L1TD1: variants seen among roughly 807,000 people sequenced by gnomAD.
The protein encoded by L1TD1 is LINE-1 type transposase domain-containing protein 1.
L1TD1 carries 26 observed loss-of-function variants against 25.7 expected under a neutral mutation model. The observed-to-expected ratio is 1.01, with a 90% CI of 0.74 to 1.40. L1TD1 has a LOEUF of 1.40. Ranked by LOEUF, L1TD1 falls within the 40% of genes most tolerant of loss-of-function variation. The pLI, the probability that L1TD1 is intolerant of heterozygous loss-of-function variation, is 0.00. For missense variants in L1TD1, 1,130 were observed against 975.0 expected (o/e 1.16, Z -2.12); for synonymous variants, 421 against 335.6 (o/e 1.25, Z -2.78).
In L1TD1 at chr1:62,195,668, C is replaced by T. The variant is rs1015042349; in HGVS notation, c.-205+747C>T. The stretch of plus-strand genomic sequence containing the variant: ...TCAGGAGGCTGAGGCAGGAGAATCG[C>T]TTGAACCCGAGAGGCAGAGGTTGCA... On this transcript the variant is annotated intron_variant, in intron 1 of 3. Coordinates refer to ENST00000498273, the MANE Select transcript of L1TD1 (RefSeq NM_019079.5). Among the ~76,000 whole-genome samples, 15 of 152,334 alleles carry T rather than the reference C, an allele frequency of 9.8e-5. 1 individual carries two copies. Among genetic ancestry groups the T allele is most frequent in the African/African-American group, 3.4e-4 (14 of 41,578 alleles).
intron 3 of L1TD1, 110 bp downstream of exon 3, chr1:62,207,746 C>A: frequency 7.6e-7 from 1 of 1,317,294 alleles, no homozygotes; most frequent in Non-Finnish European, 1.0e-6. Context: ...GAGTTTCGCT[C>A]TTGTCGGCCA....
chr1:62,207,713 T>C (rs1670780998), intron 3 of L1TD1, 77 bp downstream of exon 3: 5 of 1,422,244 alleles, frequency 3.5e-6, no homozygotes, highest in African/African-American at 1.4e-5. Flanking sequence ...GAAGGATAAA[T>C]CAATTTTTTT....
intron 2 of L1TD1, among the ~76,000 whole-genome samples, chr1:62,206,183 A>G (rs921345509): frequency 6.6e-6 from 1 of 152,208 alleles, no homozygotes. Flanking sequence ...TATGATACAT[A>G]TGTTGGTTTC....
At position 62,211,585 on chromosome 1, in the gene L1TD1, A is replaced by T; in HGVS notation, c.*213A>T. On this transcript the variant is annotated 3_prime_UTR_variant, in exon 4 of 4. Transcript: ENST00000498273. ...TGGTCTCAATGTAGTGAGTTATTTC[A>T]GTTGATCACAGTCAGTTACAGATAG... 3 of 635,460 alleles carry T rather than the reference A, an allele frequency of 4.7e-6. No homozygotes were observed. Among genetic ancestry groups the T allele is most frequent in the Non-Finnish European group, 7.0e-6 (3 of 425,936 alleles). The allele number at this position is 635,460 out of a possible 1,614,324, so 39.4% of individuals were successfully genotyped here. A position where few individuals can be genotyped will look rare whatever the true frequency, so the allele number is the denominator to read the frequency against.
chr1:62,211,319 T>A lies in L1TD1; in HGVS notation c.2545T>A (p.Tyr849Asn), dbSNP rs147257684. 9.9e-6 allele frequency: 16 copies of A among 1,613,106 alleles called. No homozygotes were observed. Among genetic ancestry groups the A allele is most frequent in the African/African-American group, 1.3e-5 (1 of 74,986 alleles). The change falls in exon 4 of 4, where the codon TAT becomes AAT. Residue 849 changes from tyrosine (Y) to asparagine (N), a missense_variant. By Grantham distance (143) the Tyr-to-Asn change is moderately radical (BLOSUM62 -2). Coordinates refer to ENST00000498273, the MANE Select transcript of L1TD1 (RefSeq NM_019079.5). ...VFLSIEEFRD[Y>N]VLHMPTLREL... is the part of the protein sequence containing the mutation. ...TCTTAGTATTGAAGAATTTAGAGATTATGTTTTGCATATGCCCACCTTGAG... is the reference window on the plus strand; with the variant it reads ...TCTTAGTATTGAAGAATTTAGAGATAATGTTTTGCATATGCCCACCTTGAG...
At chr1:62,202,157 A>G (rs897273410) in intron 2 of L1TD1, among the ~76,000 whole-genome samples, 3 of 152,164 alleles carry the variant, frequency 2.0e-5, no homozygotes, top group Non-Finnish European at 4.4e-5. Flanking sequence ...AAAATTAGCC[A>G]GGCGTGGTGG....
intron 2 of L1TD1, among the ~76,000 whole-genome samples, chr1:62,205,419 A>C (rs12129320): frequency 0.27 from 11,687 of 43,286 alleles, 1,649 homozygotes; most frequent in East Asian, 0.56. Flanking sequence ...CTCTCTCTCT[A>C]TATATATATA....
At position 62,211,387 on chromosome 1, in the gene L1TD1, T is replaced by G. The variant is rs1670868133; in HGVS notation, c.*15T>G. On this transcript the variant is annotated 3_prime_UTR_variant, in exon 4 of 4. Coordinates refer to ENST00000498273, the MANE Select transcript of L1TD1 (RefSeq NM_019079.5). ...ATATACCTTAGCACGCCAGGGTGACTACAAACAATATGCTTTCCTCCCCCA... is the reference window on the plus strand; with the variant it reads ...ATATACCTTAGCACGCCAGGGTGACGACAAACAATATGCTTTCCTCCCCCA... 4.5e-6 allele frequency: 7 copies of G among 1,552,100 alleles called. No homozygotes were observed. In the African/African-American group the frequency reaches 5.5e-5, roughly 12 times the overall value.
intron 3 of L1TD1, among the ~76,000 whole-genome samples, chr1:62,209,523 G>T (rs1670815429): frequency 6.6e-6 from 1 of 152,004 alleles, no homozygotes. Flanking sequence ...GGATCTAGAA[G>T]GAAGAAAGTA....
At chr1:62,202,669 A>ATTT (rs35815437) in intron 2 of L1TD1, among the ~76,000 whole-genome samples, 5,188 of 71,866 alleles carry the variant, frequency 0.072, 415 homozygotes, top group East Asian at 0.14. Flanking sequence ...CCAGGGTTTA[A>ATTT]TTTTTTTTTT....
chr1:62,195,724 A>G (rs927188125), intron 1 of L1TD1, among the ~76,000 whole-genome samples: 4 of 146,926 alleles, frequency 2.7e-5, no homozygotes, highest in East Asian at 2.1e-4. Context: ...TGCGCTCCAG[A>G]CTGGGCAACA....
chr1:62,197,419 A>G (rs1251341434), intron 2 of L1TD1, among the ~76,000 whole-genome samples: 2 of 85,982 alleles, frequency 2.3e-5, no homozygotes, highest in African/African-American at 8.6e-5. Flanking sequence ...ATATATATAT[A>G]TATATATATA....
chr1:62,205,439 A>ATTT lies in L1TD1; in HGVS notation c.-110-1079_-110-1078insTTT, dbSNP rs1297750882. Among the ~76,000 whole-genome samples the ATTT allele has an allele frequency of 4.1e-4, 18 of 44,196 alleles. 1 individual carries two copies. The highest frequency in any genetic ancestry group is 8.6e-4 in the African/African-American group (10 of 11,652). 29.0% of individuals were successfully genotyped at this position (44,196 alleles called of 152,430 possible). Reference sequence around the variant, plus strand: ...TCTCTATATATATATATATATATATATATATTTTTTTTTAGACAGTCTTGC... The same window carrying ATTT: ...TCTCTATATATATATATATATATATATTTTATATTTTTTTTTAGACAGTCTTGC... On this transcript the variant is annotated intron_variant, in intron 2 of 3. Coordinates refer to ENST00000498273, the MANE Select transcript of L1TD1 (RefSeq NM_019079.5).
rs949145083 is a variant in L1TD1 at position 62,199,846 on chromosome 1, C to A, written c.-111+3318C>A. Among the ~76,000 whole-genome samples, 9 of 152,236 alleles carry A rather than the reference C, an allele frequency of 5.9e-5. No individual in the cohort carries two copies. The East Asian group carries it at 1.7e-3, about 29-fold the overall frequency. Reference sequence around the variant, plus strand: ...TCCCCAGGGTCACTATGAATGTGGCCAGGGTGGATATTTGCCCCTGCACTG... The same window carrying A: ...TCCCCAGGGTCACTATGAATGTGGCAAGGGTGGATATTTGCCCCTGCACTG... On this transcript the variant is annotated intron_variant, in intron 2 of 3. Transcript: ENST00000498273.
At chr1:62,204,338 C>T (rs1457113860) in intron 2 of L1TD1, among the ~76,000 whole-genome samples, 3 of 152,076 alleles carry the variant, frequency 2.0e-5, no homozygotes, top group African/African-American at 7.2e-5. Context: ...TAAGTCTATA[C>T]ATTTTCCTCA....
At chr1:62,204,164 T>C (rs935684617) in intron 2 of L1TD1, among the ~76,000 whole-genome samples, 1 of 152,240 alleles carries the variant, frequency 6.6e-6, no homozygotes, top group Non-Finnish European at 1.5e-5. Context: ...CCCTTGTTAT[T>C]CATAGTATTC....
chr1:62,205,620 G>A (rs1180577669), intron 2 of L1TD1, among the ~76,000 whole-genome samples: 1 of 150,744 alleles, frequency 6.6e-6, no homozygotes, highest in East Asian at 2.0e-4. Context: ...TTGTAGAGAC[G>A]GGGTTTTGCC....
At position 62,207,316 on chromosome 1, in the gene L1TD1, T is replaced by G; in HGVS notation, c.688T>G (p.Ser230Ala). Residue 230 changes from serine to alanine, a missense_variant, in exon 3 of 4, where the codon TCC (serine) becomes GCC (alanine). By Grantham distance (99) the Ser-to-Ala change is moderately conservative (BLOSUM62 1). Coordinates refer to ENST00000498273, the MANE Select transcript of L1TD1 (RefSeq NM_019079.5). Reference protein sequence around the residue: ...LKNKEEVLKASREEKVLMDEG... With the variant: ...LKNKEEVLKAAREEKVLMDEG... Reference sequence around the variant, plus strand: ...GAATAAAGAGGAGGTTTTAAAAGCCTCCAGAGAAGAAAAAGTGTTGATGGA... The same window carrying G: ...GAATAAAGAGGAGGTTTTAAAAGCCGCCAGAGAAGAAAAAGTGTTGATGGA... The G allele has an allele frequency of 6.4e-7, 1 of 1,550,922 alleles. No individual in the cohort carries two copies. The highest frequency in any genetic ancestry group is 8.7e-7 in the Non-Finnish European group (1 of 1,146,784).
intron 2 of L1TD1, among the ~76,000 whole-genome samples, chr1:62,200,851 A>G (rs4915799): frequency 0.074 from 11,284 of 152,212 alleles, 548 homozygotes; most frequent in Middle Eastern, 0.21. Context: ...GCCACCTTTC[A>G]CATGTTTACT....
Sources: gnomAD v4.1 joint callset for allele counts (sites outside exome capture counted in the v4.1 genomes callset) on GRCh38, gnomAD v4.1.1 for gene constraint, MANE v1.5 for transcripts, NCBI Gene and HGNC (gene_info 2026-07-23, HGNC 2026-07-21) for gene names.